Variants in SLC44A5 observed in about 807,000 individuals in gnomAD.
SLC44A5 encodes the protein choline transporter-like protein 5.
A neutral mutation model predicts 101.8 loss-of-function variants in SLC44A5; 57 were observed. The observed-to-expected ratio is 0.56, with a 90% CI of 0.45 to 0.70. SLC44A5 has a LOEUF of 0.70. SLC44A5 is among the 30% of genes least tolerant of loss of function. SLC44A5 has a pLI of 0.00. For synonymous variants in SLC44A5, 281 were observed against 290.9 expected, an observed-to-expected ratio of 0.97 and a Z score of 0.35; for missense variants, 737 against 853.1, an observed-to-expected ratio of 0.86 and a Z score of 1.70.
intron 1 of SLC44A5, among the ~76,000 whole-genome samples, chr1:75,562,994 T>C (rs1469945785): frequency 6.6e-6 from 1 of 152,218 alleles, no homozygotes; most frequent in African/African-American, 2.4e-5. Context: ...TTTGTGTTTC[T>C]TTCAGCTACT....
chr1:75,405,406 C>A (rs1662782484), intron 2 of SLC44A5, among the ~76,000 whole-genome samples: 1 of 152,156 alleles, frequency 6.6e-6, no homozygotes, highest in Admixed American at 6.5e-5. Context: ...AATATACATT[C>A]TTCACAGCAC....
intron 1 of SLC44A5, among the ~76,000 whole-genome samples, chr1:75,544,941 G>A (rs1452454341): frequency 1.3e-5 from 2 of 152,026 alleles, no homozygotes; most frequent in African/African-American, 4.8e-5. Flanking sequence ...ACGTGCCATG[G>A]TGGTTTGCTG....
At chr1:75,277,738 G>A (rs1208123135) in intron 5 of SLC44A5, among the ~76,000 whole-genome samples, 4 of 152,028 alleles carry the variant, frequency 2.6e-5, no homozygotes, top group Non-Finnish European at 4.4e-5. Context: ...ATAAAGGAGA[G>A]AGAGATGAAG....
At chr1:75,453,895 A>T (rs189849487) in intron 2 of SLC44A5, among the ~76,000 whole-genome samples, 1 of 152,284 alleles carries the variant, frequency 6.6e-6, no homozygotes, top group East Asian at 1.9e-4. Flanking sequence ...GCTGAAATCG[A>T]ATCAGTAATG....
At chr1:75,272,408 T>TA (rs936804321) in intron 6 of SLC44A5, among the ~76,000 whole-genome samples, 1 of 151,896 alleles carries the variant, frequency 6.6e-6, no homozygotes, top group African/African-American at 2.4e-5. Flanking sequence ...CTTTTATTTT[T>TA]TTTTTATTTT....
Position 75,408,761 on chromosome 1 carries a change from G to A in SLC44A5, c.14-12140C>T, listed in dbSNP as rs148053931. 9.6e-3 allele frequency among the ~76,000 whole-genome samples: 1,455 copies of A among 152,202 alleles called. 22 individuals are homozygous for A. Among genetic ancestry groups the A allele is most frequent in the African/African-American group, 0.033 (1,359 of 41,514 alleles). On this transcript the variant is annotated intron_variant, in intron 2 of 23. Transcript: ENST00000370859. ...ATTAGGAGAAATACCTAATGTAGAT[G>A]ATGGGTTGATGGGTGCAGCAAACCA...
chr1:75,545,830 T>C (rs1392860733), intron 1 of SLC44A5, among the ~76,000 whole-genome samples: 5 of 151,906 alleles, frequency 3.3e-5, no homozygotes, highest in Non-Finnish European at 5.9e-5. Context: ...TTTTCTTTTT[T>C]TTTTTTTCTT....
chr1:75,422,398 C>T (rs1193700927), intron 2 of SLC44A5, among the ~76,000 whole-genome samples: 1 of 152,170 alleles, frequency 6.6e-6, no homozygotes, highest in Non-Finnish European at 1.5e-5. Flanking sequence ...ACTTACAAGT[C>T]CGCAGTGAAT....
chr1:75,257,664 T>C (rs1330001478), intron 6 of SLC44A5, among the ~76,000 whole-genome samples: 2 of 152,138 alleles, frequency 1.3e-5, no homozygotes, highest in Non-Finnish European at 2.9e-5. Flanking sequence ...GGAAATTGCC[T>C]GGAGACTGCA....
chr1:75,427,044 G>A (rs1664353997), intron 2 of SLC44A5, among the ~76,000 whole-genome samples: 1 of 152,114 alleles, frequency 6.6e-6, no homozygotes, highest in African/African-American at 2.4e-5. Context: ...CAGCCCTGCC[G>A]GCTACTCAGG....
chr1:75,332,724 A>C (rs1252018990), intron 4 of SLC44A5, among the ~76,000 whole-genome samples: 3 of 152,194 alleles, frequency 2.0e-5, no homozygotes, highest in Non-Finnish European at 4.4e-5. Flanking sequence ...AAGTGACCTC[A>C]AAGTCCTTTC....
intron 2 of SLC44A5, among the ~76,000 whole-genome samples, chr1:75,425,456 G>A (rs1173126333): frequency 6.6e-6 from 1 of 152,206 alleles, no homozygotes; most frequent in Non-Finnish European, 1.5e-5. Flanking sequence ...TAAACTTGCA[G>A]AAGCATTGCA....
intron 4 of SLC44A5, among the ~76,000 whole-genome samples, chr1:75,307,048 C>G (rs764365692): frequency 3.3e-5 from 5 of 152,020 alleles, no homozygotes; most frequent in Non-Finnish European, 7.4e-5. Flanking sequence ...GGTTTCCTTT[C>G]TTTGTGGCAG....
intron 2 of SLC44A5, among the ~76,000 whole-genome samples, chr1:75,397,562 C>G (rs1662204439): frequency 6.6e-6 from 1 of 152,060 alleles, no homozygotes; most frequent in Non-Finnish European, 1.5e-5. Context: ...AAAATAGTAA[C>G]CAACTTTTGA....
chr1:75,514,719 T>C (rs1557864185), intron 2 of SLC44A5, among the ~76,000 whole-genome samples: 1 of 152,178 alleles, frequency 6.6e-6, no homozygotes, highest in East Asian at 1.9e-4. Context: ...AAATTATGAA[T>C]AAAAGTGAAT....
chr1:75,445,334 C>A (rs1190476531), intron 2 of SLC44A5, among the ~76,000 whole-genome samples: 1 of 152,000 alleles, frequency 6.6e-6, no homozygotes, highest in Non-Finnish European at 1.5e-5. Flanking sequence ...CATCCTTAGG[C>A]CTCACCAGAA....
chr1:75,593,916 C>T (rs1674496548), intron 1 of SLC44A5, among the ~76,000 whole-genome samples: 1 of 151,616 alleles, frequency 6.6e-6, no homozygotes, highest in Admixed American at 6.6e-5. Flanking sequence ...TTAATAGGTA[C>T]AAAAAATAGA....
At chr1:75,671,217 C>A in the SLC44A5 span, among the ~76,000 whole-genome samples, 1 of 152,060 alleles carries the variant, frequency 6.6e-6, no homozygotes, top group Non-Finnish European at 1.5e-5. Flanking sequence ...GGGGCTTAAC[C>A]TGTGGGAGCT....
chr1:75,658,364 C>T, the SLC44A5 span, among the ~76,000 whole-genome samples: 1 of 152,002 alleles, frequency 6.6e-6, no homozygotes, highest in Admixed American at 6.6e-5. Context: ...GTGTGAACTA[C>T]TACACTCAGC....
Sources: gnomAD v4.1 joint callset for allele counts (sites outside exome capture counted in the v4.1 genomes callset) on GRCh38, gnomAD v4.1.1 for gene constraint, MANE v1.5 for transcripts, NCBI Gene and HGNC (gene_info 2026-07-23, HGNC 2026-07-21) for gene names.